SEZ6L: variants seen among roughly 807,000 people sequenced by gnomAD.
SEZ6L encodes the protein seizure 6-like protein.
In SEZ6L, 37 loss-of-function variants were observed where a neutral mutation model predicts 106.2. The observed-to-expected ratio is 0.35, with a 90% CI of 0.27 to 0.46. The LOEUF (loss-of-function observed/expected upper bound fraction) is 0.46, where lower values mean the gene tolerates loss of function less well. Ranked by LOEUF, SEZ6L falls within the 20% of genes least tolerant of loss-of-function variation. The probability of loss-of-function intolerance (pLI) is 1.00; values close to 1 mark genes in which losing one functional copy is unlikely to be tolerated. For missense variants in SEZ6L, 1,172 were observed against 1,332.8 expected (o/e 0.88, Z 1.88); for synonymous variants, 541 against 570.4 (o/e 0.95, Z 0.73).
Position 26,292,500 on chromosome 22 carries a change from A to G in SEZ6L, c.189A>G (p.Glu63=). 6.2e-7 allele frequency: 1 copy of G among 1,613,924 alleles called. No homozygotes were observed. Among genetic ancestry groups the G allele is most frequent in the Non-Finnish European group, 8.5e-7 (1 of 1,179,916 alleles). The change falls in exon 2 of 17, where the codon GAA becomes GAG. Residue 63 remains glutamate (E), a synonymous_variant. Transcript: ENST00000248933. ...GCAGTCCTGGCAAAGAGCACCCTGA[A>G]GAGAGAGTGGTAACAGCGCCCCCCA... is the stretch of plus-strand genomic sequence containing the variant. The part of the protein sequence containing the change: ...ERGSPGKEHP[E]ERVVTAPPSS...
chr22:26,265,342 C>A (rs182553512), intron 1 of SEZ6L, among the ~76,000 whole-genome samples: 1 of 152,254 alleles, frequency 6.6e-6, no homozygotes, highest in South Asian at 2.1e-4. Context: ...CAGAACCTCC[C>A]GCACGCAAGT....
intron 1 of SEZ6L, among the ~76,000 whole-genome samples, chr22:26,271,324 A>G (rs1263439752): frequency 6.6e-6 from 1 of 152,238 alleles, no homozygotes; most frequent in Non-Finnish European, 1.5e-5. Flanking sequence ...AGTATCTATT[A>G]AATACAAAAG....
chr22:26,266,832 A>G (rs896913716), intron 1 of SEZ6L, among the ~76,000 whole-genome samples: 2 of 152,074 alleles, frequency 1.3e-5, no homozygotes, highest in Non-Finnish European at 2.9e-5. Flanking sequence ...AATTAAATGC[A>G]TAAAGCAACA....
At chr22:26,198,777 G>T (rs1014012108) in intron 1 of SEZ6L, among the ~76,000 whole-genome samples, 34 of 152,342 alleles carry the variant, frequency 2.2e-4, no homozygotes, top group African/African-American at 7.9e-4. Flanking sequence ...AAGAATCCTT[G>T]TGACATTTCC....
At chr22:26,373,348 C>A in intron 13 of SEZ6L, 103 bp from the exon 14 acceptor site, 1 of 983,676 alleles carries the variant, frequency 1.0e-6, no homozygotes. Flanking sequence ...CTAACTTCAC[C>A]AAAGCATGGC....
intron 1 of SEZ6L, among the ~76,000 whole-genome samples, chr22:26,194,377 T>A (rs546872169): frequency 6.6e-6 from 1 of 152,282 alleles, no homozygotes; most frequent in African/African-American, 2.4e-5. Context: ...ATCCTGCAGA[T>A]CTTTGTTATA....
In SEZ6L at chr22:26,230,093, G is replaced by A. The variant is rs1251856716; in HGVS notation, c.94+60330G>A. Among the ~76,000 whole-genome samples the A allele has an allele frequency of 2.0e-5, 3 of 152,284 alleles. No individual in the cohort carries two copies. The South Asian group carries it at 6.2e-4, about 32-fold the overall frequency. On this transcript the variant is annotated intron_variant, in intron 1 of 16. Coordinates refer to ENST00000248933, the MANE Select transcript of SEZ6L (RefSeq NM_021115.5). ...GCTGTGTAGGAGCTGAGGCTAAGCC[G>A]TGGCCCTGGCATCAGCATCCACAGG...
intron 1 of SEZ6L, among the ~76,000 whole-genome samples, chr22:26,228,926 G>A (rs558160267): frequency 6.6e-6 from 1 of 152,342 alleles, no homozygotes; most frequent in Non-Finnish European, 1.5e-5. Context: ...ATGCTCTTGA[G>A]GGATTACCTA....
chr22:26,367,315 T>C (rs2083851393), intron 13 of SEZ6L, among the ~76,000 whole-genome samples: 9 of 151,968 alleles, frequency 5.9e-5, no homozygotes, highest in Admixed American at 5.9e-4. Context: ...TGATCCAGCC[T>C]GGTTTTTGTT....
chr22:26,220,171 G>A (rs550304343), intron 1 of SEZ6L, among the ~76,000 whole-genome samples: 123 of 152,140 alleles, frequency 8.1e-4, no homozygotes, highest in African/African-American at 2.9e-3. Flanking sequence ...CACCTTTCTG[G>A]GCCACAGATG....
chr22:26,347,592 T>A (rs1439494980), intron 10 of SEZ6L, 127 bp from the exon 11 acceptor site: 5 of 706,920 alleles, frequency 7.1e-6, no homozygotes, highest in South Asian at 2.3e-5. Flanking sequence ...GTTAAGCGAT[T>A]TTGGAAGCGT....
At position 26,236,616 on chromosome 22, in the gene SEZ6L, T is replaced by C. The variant is rs192314655; in HGVS notation, c.95-55790T>C. 3.3e-4 allele frequency among the ~76,000 whole-genome samples: 50 copies of C among 152,274 alleles called. No homozygotes were observed. The East Asian group carries it at 8.9e-3, about 27-fold the overall frequency. ...TAGACTAAACCACCAGTTTCAAATC[T>C]GGGGTCCCCCTGACTCTAATAGTCT... is the stretch of plus-strand genomic sequence containing the variant. On this transcript the variant is annotated intron_variant, in intron 1 of 16. Coordinates refer to ENST00000248933, the MANE Select transcript of SEZ6L (RefSeq NM_021115.5).
chr22:26,348,705 G>A (rs866791319), intron 11 of SEZ6L, among the ~76,000 whole-genome samples: 41 of 48,060 alleles, frequency 8.5e-4, no homozygotes, highest in Non-Finnish European at 1.1e-3. Flanking sequence ...AAAGAAAGAA[G>A]GCAAGGGAGG....
chr22:26,311,688 G>A, intron 7 of SEZ6L, 80 bp from the exon 8 acceptor site: 1 of 1,254,392 alleles, frequency 8.0e-7, no homozygotes, highest in Non-Finnish European at 1.1e-6. Flanking sequence ...AAACAGCACA[G>A]GGGACCCATC....
intron 1 of SEZ6L, among the ~76,000 whole-genome samples, chr22:26,184,927 T>C (rs1225632479): frequency 6.6e-6 from 1 of 152,036 alleles, no homozygotes; most frequent in African/African-American, 2.4e-5. Context: ...CTACTAAAAA[T>C]ACAAAAATTA....
intron 1 of SEZ6L, among the ~76,000 whole-genome samples, chr22:26,252,700 C>T (rs2079641452): frequency 6.6e-6 from 1 of 152,242 alleles, no homozygotes; most frequent in South Asian, 2.1e-4. Flanking sequence ...AGTTAACTCA[C>T]TTAAGATAAT....
intron 1 of SEZ6L, among the ~76,000 whole-genome samples, chr22:26,262,201 A>T (rs907574770): frequency 1.3e-4 from 20 of 149,472 alleles, no homozygotes; most frequent in Non-Finnish European, 2.1e-4. Context: ...TTATATTGAT[A>T]TATAAAAGAT....
chr22:26,313,713 T>C (rs1178468121), intron 8 of SEZ6L, 51 bp from the exon 9 acceptor site: 2 of 1,587,228 alleles, frequency 1.3e-6, no homozygotes, highest in South Asian at 1.1e-5. Flanking sequence ...CTATGCCACA[T>C]TGACTTCTTT....
intron 15 of SEZ6L, among the ~76,000 whole-genome samples, chr22:26,376,764 C>T (rs2084239821): frequency 6.6e-6 from 1 of 151,908 alleles, no homozygotes; most frequent in African/African-American, 2.4e-5. Flanking sequence ...CAAAAGAAAC[C>T]TATGCAAATA....
Sources: gnomAD v4.1 joint callset for allele counts (sites outside exome capture counted in the v4.1 genomes callset) on GRCh38, gnomAD v4.1.1 for gene constraint, MANE v1.5 for transcripts, NCBI Gene and HGNC (gene_info 2026-07-23, HGNC 2026-07-21) for gene names.